Variants in ST3GAL5 observed in about 807,000 individuals in gnomAD.
ST3GAL5 encodes the protein ST3 beta-galactoside alpha-2,3-sialyltransferase 5, also known as lactosylceramide alpha-2,3-sialyltransferase.
Under a neutral mutation model 46.1 loss-of-function variants are expected in ST3GAL5, and 25 were observed. The ratio of observed to expected loss-of-function variants is 0.54; its 90% CI spans 0.40 to 0.76. The LOEUF (loss-of-function observed/expected upper bound fraction) is 0.76, where lower values mean the gene tolerates loss of function less well. Ranked by LOEUF, ST3GAL5 falls within the 30% of genes least tolerant of loss-of-function variation. ST3GAL5 has a pLI of 0.00. For synonymous variants in ST3GAL5, 182 were observed against 192.7 expected (o/e 0.94, Z 0.46); for missense variants, 431 against 521.2 (o/e 0.83, Z 1.69).
At chr2:85,868,476 A>ATT (rs33930859) in intron 1 of ST3GAL5, among the ~76,000 whole-genome samples, 23,922 of 134,142 alleles carry the variant, frequency 0.18, 2,469 homozygotes, top group South Asian at 0.35. Flanking sequence ...TAATTTTTGT[A>ATT]TTTTTTTTTT....
chr2:85,840,520 T>A, intron 6 of ST3GAL5, 128 bp from the exon 7 acceptor site: 1 of 969,746 alleles, frequency 1.0e-6, no homozygotes, highest in Non-Finnish European at 1.6e-6. Context: ...ATACATCACA[T>A]AATTTTATAC....
Position 85,888,925 on chromosome 2 carries a change from C to T in ST3GAL5, c.-20G>A. The T allele has an allele frequency of 7.5e-7, 1 of 1,340,562 alleles. No homozygotes were observed. Among genetic ancestry groups the T allele is most frequent in the South Asian group, 1.8e-5 (1 of 57,092 alleles). 83.0% of individuals were successfully genotyped at this position (1,340,562 alleles called of 1,614,324 possible). ...CCGCATACTAATGAGGGGGCGCCGG[C>T]CGGCCGCCAGCCCGGTACCCCGCGC... On this transcript the variant is annotated 5_prime_UTR_variant, in exon 1 of 7. Coordinates refer to ENST00000638572, the MANE Select transcript of ST3GAL5 (RefSeq NM_003896.4).
upstream of ST3GAL5, chr2:85,889,026 G>GTCT (rs1688102440): frequency 1.5e-6 from 1 of 683,040 alleles, no homozygotes; most frequent in Non-Finnish European, 2.0e-6. Flanking sequence ...TGCGGAGGAG[G>GTCT]GGCGCGTGGG....
At chr2:85,863,709 CTTT>C (rs144021958) in intron 1 of ST3GAL5, among the ~76,000 whole-genome samples, 1 of 144,892 alleles carries the variant, frequency 6.9e-6, no homozygotes, top group African/African-American at 2.5e-5. Context: ...TCTCAACATT[CTTT>C]TTTTTTTTTT....
chr2:85,873,649 G>A (rs1300800832), intron 1 of ST3GAL5, among the ~76,000 whole-genome samples: 2 of 152,148 alleles, frequency 1.3e-5, no homozygotes, highest in Non-Finnish European at 2.9e-5. Flanking sequence ...AAAATGCCAT[G>A]GAGACACTAA....
At chr2:85,876,912 G>C (rs1446462168) in intron 1 of ST3GAL5, among the ~76,000 whole-genome samples, 1 of 152,204 alleles carries the variant, frequency 6.6e-6, no homozygotes, top group Admixed American at 6.5e-5. Flanking sequence ...CAGCACCCAA[G>C]ACCTGGAGGC....
At chr2:85,847,744 G>T in intron 4 of ST3GAL5, 117 bp downstream of exon 4, 1 of 1,422,028 alleles carries the variant, frequency 7.0e-7, no homozygotes. Context: ...GCAGTGAGCT[G>T]AGATCACACC....
intron 1 of ST3GAL5, among the ~76,000 whole-genome samples, chr2:85,868,290 A>G (rs564231018): frequency 6.6e-6 from 1 of 152,316 alleles, no homozygotes; most frequent in South Asian, 2.1e-4. Context: ...CATAAATTTC[A>G]ATAGCAATTA....
At chr2:85,861,472 A>C (rs1684722947) in intron 2 of ST3GAL5, among the ~76,000 whole-genome samples, 180 bp from the exon 3 acceptor site, 1 of 152,218 alleles carries the variant, frequency 6.6e-6, no homozygotes, top group Admixed American at 6.5e-5. Context: ...AAGATAAACT[A>C]GTCATTTATG....
At chr2:85,855,464 G>A (rs1363068138) in intron 3 of ST3GAL5, 1 of 152,054 alleles carries the variant, frequency 6.6e-6, no homozygotes. Context: ...AAAAATTAAT[G>A]CAAAACGAAT....
intron 1 of ST3GAL5, chr2:85,888,512 T>A (rs1488309727): frequency 4.8e-6 from 1 of 208,508 alleles, no homozygotes; most frequent in Non-Finnish European, 9.5e-6. Context: ...CAGCAATGAA[T>A]TAAATCCCGA....
intron 3 of ST3GAL5, chr2:85,848,540 A>C (rs916756672): frequency 3.5e-6 from 2 of 572,862 alleles, no homozygotes; most frequent in Non-Finnish European, 5.6e-6. Context: ...TTCATGTTTC[A>C]TAAAATTCTG....
At position 85,839,790 on chromosome 2, in the gene ST3GAL5, C is replaced by G; in HGVS notation, c.*354G>C. ...CATCAAAAGAGTGACCTCCCCTCTC[C>G]TTCCAATTAGTTACCTGTATTCAAT... On this transcript the variant is annotated 3_prime_UTR_variant, in exon 7 of 7. Coordinates refer to ENST00000638572, the MANE Select transcript of ST3GAL5 (RefSeq NM_003896.4). 2.9e-6 allele frequency: 1 copy of G among 340,676 alleles called. No individual in the cohort carries two copies. The highest frequency in any genetic ancestry group is 5.7e-6 in the Non-Finnish European group (1 of 176,286). The allele number at this position is 340,676 out of a possible 1,614,324, so 21.1% of individuals were successfully genotyped here.
intron 3 of ST3GAL5, among the ~76,000 whole-genome samples, chr2:85,857,599 G>A (rs1168630648): frequency 6.6e-6 from 1 of 151,936 alleles, no homozygotes; most frequent in Non-Finnish European, 1.5e-5. Context: ...GACCTGTGAG[G>A]GGTTGAGTGT....
At position 85,863,389 on chromosome 2, in the gene ST3GAL5, G is replaced by A; in HGVS notation, c.179C>T (p.Pro60Leu). 1 of 1,614,150 alleles carries A rather than the reference G, an allele frequency of 6.2e-7. No individual in the cohort carries two copies. Among genetic ancestry groups the A allele is most frequent in the Non-Finnish European group, 8.5e-7 (1 of 1,180,028 alleles). ...GAGGATGTCTTTTAATAACAAGCTG[G>A]GCCTTCTCATCTTGCTTTGAGCTCG... Reference protein sequence around the residue: ...YTRAQSKMRRPSLLLKDILKC... With the variant: ...YTRAQSKMRRLSLLLKDILKC... The change falls in exon 2 of 7, where the codon CCC (proline) becomes CTC (leucine). Residue 60 changes from proline to leucine, a missense_variant. Transcript: ENST00000638572.
At chr2:85,863,170 C>A (rs917614769) in intron 2 of ST3GAL5, among the ~76,000 whole-genome samples, 192 bp downstream of exon 2, 7 of 152,210 alleles carry the variant, frequency 4.6e-5, no homozygotes, top group African/African-American at 1.7e-4. Context: ...CCAAATACAG[C>A]CAGCTGTACA....
intron 4 of ST3GAL5, among the ~76,000 whole-genome samples, chr2:85,847,214 G>A (rs1042299788): frequency 6.6e-6 from 1 of 152,116 alleles, no homozygotes; most frequent in Non-Finnish European, 1.5e-5. Flanking sequence ...TGCCTTCCAG[G>A]ACTCACTGGC....
intron 3 of ST3GAL5, chr2:85,849,828 C>T (rs1013836590): frequency 6.7e-6 from 1 of 150,322 alleles, no homozygotes; most frequent in African/African-American, 2.5e-5. Context: ...CATTACTCCT[C>T]CTATTCACTA....
intron 4 of ST3GAL5, 82 bp downstream of exon 4, chr2:85,847,779 G>T: frequency 6.6e-7 from 1 of 1,518,080 alleles, no homozygotes; most frequent in South Asian, 1.2e-5. Flanking sequence ...TGGACAACAG[G>T]AGTGAGACCC....
Sources: allele counts gnomAD v4.1 joint callset (sites outside exome capture counted in the v4.1 genomes callset), GRCh38; gene constraint gnomAD v4.1.1; transcripts MANE v1.5; gene names NCBI Gene and HGNC (gene_info 2026-07-23, HGNC 2026-07-21).